The following KNSTRN variants were observed in gnomAD, a reference collection of about 807,000 sequenced individuals.
KNSTRN encodes small kinetochore-associated protein.
Under a neutral mutation model 44.7 loss-of-function variants are expected in KNSTRN, and 38 were observed. The observed-to-expected ratio is 0.85, with a 90% CI of 0.66 to 1.11. The LOEUF (loss-of-function observed/expected upper bound fraction) is 1.11, where lower values mean the gene tolerates loss of function less well. Ranked by LOEUF, KNSTRN falls within the 50% of genes most tolerant of loss-of-function variation. The pLI, the probability that KNSTRN is intolerant of heterozygous loss-of-function variation, is 0.00. For missense variants in KNSTRN, 406 were observed against 375.8 expected (o/e 1.08, Z -0.66); for synonymous variants, 158 against 148.1 (o/e 1.07, Z -0.48).
intron 8 of KNSTRN, among the ~76,000 whole-genome samples, chr15:40,392,772 G>A (rs921470017): frequency 4.6e-5 from 7 of 152,006 alleles, no homozygotes; most frequent in Admixed American, 2.6e-4. Context: ...GACCATGACC[G>A]GCTAATTTTT....
rs761816608 is a variant in KNSTRN, at chr15:40,389,614, A to T, written c.591+3A>T. On this transcript the variant is annotated splice_donor_region_variant and intron_variant, in intron 5 of 8. Coordinates refer to ENST00000249776, the MANE Select transcript of KNSTRN (RefSeq NM_033286.4). ...ACCAGAAGTTGACTGAAACTCAGGT[A>T]AGAGACCCACCAGAGCTCTGTTACC... 2 of 1,603,114 alleles carry T rather than the reference A, an allele frequency of 1.2e-6. No individual in the cohort carries two copies. The highest frequency in any genetic ancestry group is 2.2e-5 in the South Asian group (2 of 90,856).
intron 5 of KNSTRN, 87 bp from the exon 6 acceptor site, chr15:40,389,749 A>ACAGCCATAGCAAAAGCC: frequency 7.1e-7 from 1 of 1,409,482 alleles, no homozygotes; most frequent in Non-Finnish European, 1.0e-6. Flanking sequence ...GGCTTTTGCT[A>ACAGCCATAGCAAAAGCC]TGGCTGTCCA....
At position 40,389,614 on chromosome 15, in the gene KNSTRN, A is replaced by G. The variant is rs761816608; in HGVS notation, c.591+3A>G. On this transcript the variant is annotated splice_donor_region_variant and intron_variant, in intron 5 of 8. Transcript: ENST00000249776. Reference sequence around the variant, plus strand: ...ACCAGAAGTTGACTGAAACTCAGGTAAGAGACCCACCAGAGCTCTGTTACC... The same window carrying G: ...ACCAGAAGTTGACTGAAACTCAGGTGAGAGACCCACCAGAGCTCTGTTACC... The G allele has an allele frequency of 5.6e-6, 9 of 1,603,114 alleles. No individual in the cohort carries two copies. In the South Asian group the frequency reaches 7.7e-5, roughly 14 times the overall value.
At chr15:40,389,953 C>T (rs756280416) in intron 6 of KNSTRN, 24 bp downstream of exon 6, 37 of 1,590,804 alleles carry the variant, frequency 2.3e-5, no homozygotes, top group South Asian at 3.3e-5. Flanking sequence ...CACAGCTAGC[C>T]TCCTTTGAAG....
rs970343600 is a variant in KNSTRN, at chr15:40,393,377, G to C, written c.823-92G>C. On this transcript the variant is annotated intron_variant, in intron 8 of 8. Transcript: ENST00000249776. ...TCCAGTGGTCTTCCTTAGTGGAATA[G>C]GAGCATAATGTTCTGATGTGGGAAT... 7 of 1,589,756 alleles carry C rather than the reference G, an allele frequency of 4.4e-6. No homozygotes were observed. In the African/African-American group the frequency reaches 8.1e-5, roughly 18 times the overall value.
intron 8 of KNSTRN, among the ~76,000 whole-genome samples, chr15:40,392,767 T>C (rs1890022148): frequency 1.3e-5 from 2 of 152,168 alleles, no homozygotes; most frequent in Non-Finnish European, 2.9e-5. Context: ...TTTGCGACCA[T>C]GACCGGCTAA....
At chr15:40,387,509 A>G (rs1005487733) in intron 4 of KNSTRN, among the ~76,000 whole-genome samples, 5 of 152,204 alleles carry the variant, frequency 3.3e-5, no homozygotes, top group Non-Finnish European at 7.4e-5. Context: ...TAAAGCCTTC[A>G]GGAGAGGAAG....
At chr15:40,385,241 T>C (rs770445726) in intron 2 of KNSTRN, among the ~76,000 whole-genome samples, 8 of 152,242 alleles carry the variant, frequency 5.3e-5, no homozygotes, top group Non-Finnish European at 7.3e-5. Flanking sequence ...TAACTCCAGA[T>C]AAGTTACTTG....
chr15:40,384,244 G>A, intron 2 of KNSTRN: 1 of 280,884 alleles, frequency 3.6e-6, no homozygotes, highest in South Asian at 2.8e-5. Flanking sequence ...CGTGGTGGCG[G>A]GCGCCTGTAG....
chr15:40,386,033 C>T (rs371603853), intron 2 of KNSTRN, among the ~76,000 whole-genome samples: 6 of 152,192 alleles, frequency 3.9e-5, no homozygotes, highest in East Asian at 1.9e-4. Flanking sequence ...CCCAGGAGTT[C>T]GAGACCAGGC....
chr15:40,391,975 G>A lies in KNSTRN; in HGVS notation c.774G>A (p.Glu258=). ...SMLLLETLQE[E]LKLFNETAKK... ...TGCTGTTAGAAACTTTGCAAGAGGA[G>A]CTGAAGCTTTTTAACGAAACAGCCA... The change falls in exon 8 of 9, where the codon GAG becomes GAA. Residue 258 remains glutamate (E), a synonymous_variant. Coordinates refer to ENST00000249776, the MANE Select transcript of KNSTRN (RefSeq NM_033286.4). 3.1e-6 allele frequency: 5 copies of A among 1,611,762 alleles called. No homozygotes were observed. The highest frequency in any genetic ancestry group is 4.2e-6 in the Non-Finnish European group (5 of 1,179,240).
Position 40,383,319 on chromosome 15 carries a change from G to T in KNSTRN, c.301G>T (p.Ala101Ser), listed in dbSNP as rs1333298727. Residue 101 changes from alanine (A) to serine (S), a missense_variant, in exon 2 of 9, where the codon GCA (alanine) becomes TCA (serine). By Grantham distance (99) the Ala-to-Ser change is moderately conservative. Transcript: ENST00000249776. Reference sequence around the variant, plus strand: ...CTCTGCGCTGAGCGGCGGCCAGCCGGCAGGTGAGGGTCCAAGCCACGCCCG... The same window carrying T: ...CTCTGCGCTGAGCGGCGGCCAGCCGTCAGGTGAGGGTCCAAGCCACGCCCG... ...PPSALSGGQP[A>S]DTQTRATSKS... The T allele has an allele frequency of 6.2e-7, 1 of 1,610,308 alleles. No homozygotes were observed.
At chr15:40,389,271 C>T (rs1595739542) in intron 4 of KNSTRN, 2 of 499,848 alleles carry the variant, frequency 4.0e-6, no homozygotes, top group Middle Eastern at 5.9e-4. Flanking sequence ...GCCTCAGCCT[C>T]CCAAATACCT....
rs202152578 is a variant in KNSTRN at position 40,389,618 on chromosome 15, G to T, written c.591+7G>T. On this transcript the variant is annotated splice_region_variant and intron_variant, in intron 5 of 8. Coordinates refer to ENST00000249776, the MANE Select transcript of KNSTRN (RefSeq NM_033286.4). ...GAAGTTGACTGAAACTCAGGTAAGA[G>T]ACCCACCAGAGCTCTGTTACCAGCT... 8.1e-6 allele frequency: 13 copies of T among 1,597,208 alleles called. No individual in the cohort carries two copies. In the East Asian group the frequency reaches 2.9e-4, roughly 36 times the overall value.
chr15:40,392,171 C>T, intron 8 of KNSTRN, 148 bp downstream of exon 8: 5 of 583,322 alleles, frequency 8.6e-6, no homozygotes. Context: ...AGAAAATTTA[C>T]CCTGATAGTA....
At chr15:40,392,214 G>A (rs1222340172) in intron 8 of KNSTRN, among the ~76,000 whole-genome samples, 191 bp downstream of exon 8, 5 of 149,866 alleles carry the variant, frequency 3.3e-5, no homozygotes, top group Admixed American at 6.6e-5. Context: ...TTTAAGTTCA[G>A]GGGTACACGT....
intron 2 of KNSTRN, chr15:40,384,332 C>G (rs1218676235): frequency 8.1e-6 from 3 of 370,958 alleles, no homozygotes; most frequent in Non-Finnish European, 1.6e-5. Flanking sequence ...CGATATTGCG[C>G]CACTGCACTC....
rs762111130 is a variant in KNSTRN, at chr15:40,391,972, G to A, written c.771G>A (p.Glu257=). ...AGTTGCTGTTAGAAACTTTGCAAGA[G>A]GAGCTGAAGCTTTTTAACGAAACAG... The part of the protein sequence containing the change: ...DSMLLLETLQ[E]ELKLFNETAK... The change falls in exon 8 of 9, where the codon GAG becomes GAA. Residue 257 remains glutamate, a synonymous_variant. Transcript: ENST00000249776. 41 of 1,610,968 alleles carry A rather than the reference G, an allele frequency of 2.5e-5. No individual in the cohort carries two copies. The Middle Eastern group carries it at 5.0e-4, about 19-fold the overall frequency.
rs765884043 is a variant in KNSTRN at position 40,393,516 on chromosome 15, AG to A, written c.871del (p.Glu291AsnfsTer10). 1.2e-6 allele frequency: 2 copies of A among 1,614,156 alleles called. No homozygotes were observed. The highest frequency in any genetic ancestry group is 1.7e-6 in the Non-Finnish European group (2 of 1,180,004). ...TGAAAGAGGAAAGAGTCCGATTCCT[AG>A]AACAGCAAACCTTATGTAACAATCA... The part of the protein sequence containing the change: ...EMKEERVRFL[E>X]QQTLCNNQVN... On this transcript the variant is annotated frameshift_variant, in exon 9 of 9. Transcript: ENST00000249776. LOFTEE classifies it high-confidence loss of function.
Sources: gnomAD v4.1 joint callset for allele counts (sites outside exome capture counted in the v4.1 genomes callset) on GRCh38, gnomAD v4.1.1 for gene constraint, MANE v1.5 for transcripts, NCBI Gene and HGNC (gene_info 2026-07-23, HGNC 2026-07-21) for gene names.